PPM1L: variants seen among roughly 807,000 people sequenced by gnomAD.
PPM1L encodes protein phosphatase 1L.
In PPM1L, 13 loss-of-function variants were observed where a neutral mutation model predicts 31.4. The observed-to-expected ratio is 0.41, with a 90% CI of 0.27 to 0.66. The LOEUF (loss-of-function observed/expected upper bound fraction) is 0.66. Among genes scored for constraint, PPM1L ranks in the 30% least tolerant of loss-of-function variants. The pLI is 0.29. For missense variants in PPM1L, 326 were observed against 453.7 expected (o/e 0.72, Z 2.56); for synonymous variants, 184 against 175.4 (o/e 1.05, Z -0.39).
In PPM1L at chr3:161,008,240, C is replaced by T. The variant is rs145869233; in HGVS notation, c.574+46330C>T. Among the ~76,000 whole-genome samples the T allele has an allele frequency of 4.0e-3, 613 of 152,268 alleles. 4 individuals carry two copies. Among genetic ancestry groups the T allele is most frequent in the African/African-American group, 0.014 (591 of 41,534 alleles). On this transcript the variant is annotated intron_variant, in intron 2 of 3. Transcript: ENST00000498165. The stretch of plus-strand genomic sequence containing the variant: ...CTTGTTTGATTTTAGGCCATAAGAC[C>T]GCCATTCCAGAGAGGGCCCTGCCCC...
chr3:160,942,583 T>C (rs542699675), intron 1 of PPM1L, among the ~76,000 whole-genome samples: 11 of 152,364 alleles, frequency 7.2e-5, no homozygotes, highest in African/African-American at 2.6e-4. Flanking sequence ...TCATTCATTC[T>C]CCAAGCATTT....
chr3:160,892,795 GAA>G (rs1311055668), intron 1 of PPM1L, among the ~76,000 whole-genome samples: 2 of 152,218 alleles, frequency 1.3e-5, no homozygotes, highest in Middle Eastern at 3.4e-3. Flanking sequence ...AGAGATCAGA[GAA>G]AAGATAAATT....
chr3:160,771,482 A>G (rs1033705863), intron 1 of PPM1L, among the ~76,000 whole-genome samples: 3 of 149,428 alleles, frequency 2.0e-5, no homozygotes, highest in Admixed American at 1.3e-4. Flanking sequence ...AGCTCAAGCA[A>G]TCTGCCCTCC....
intron 2 of PPM1L, among the ~76,000 whole-genome samples, chr3:161,051,033 T>G (rs1719258351): frequency 6.6e-6 from 1 of 152,160 alleles, no homozygotes; most frequent in Non-Finnish European, 1.5e-5. Flanking sequence ...AAGAACCATA[T>G]TAAACTATGT....
intron 2 of PPM1L, among the ~76,000 whole-genome samples, chr3:161,053,669 A>G (rs1559938581): frequency 1.3e-5 from 2 of 152,180 alleles, no homozygotes; most frequent in African/African-American, 4.8e-5. Context: ...CTCACTAAAG[A>G]GATATTTTTT....
intron 1 of PPM1L, among the ~76,000 whole-genome samples, chr3:160,815,213 TC>T (rs1198240841): frequency 6.6e-6 from 1 of 152,170 alleles, no homozygotes. Flanking sequence ...ACATTTGGCA[TC>T]CTTTTTGCCT....
At chr3:160,947,964 T>G (rs549688730) in intron 1 of PPM1L, among the ~76,000 whole-genome samples, 1 of 152,186 alleles carries the variant, frequency 6.6e-6, no homozygotes, top group Admixed American at 6.5e-5. Context: ...CCCAAAATTC[T>G]AATCGCACCA....
rs190992639 is a variant in PPM1L at position 160,765,378 on chromosome 3, T to A, written c.399+8671T>A. Among the ~76,000 whole-genome samples the A allele has an allele frequency of 2.6e-5, 4 of 152,356 alleles. No homozygotes were observed. The East Asian group carries it at 7.7e-4, about 29-fold the overall frequency. ...GTTATGTGGACACTGCCTAGTCTTC[T>A]CGATTTGCTTAGTGGGACTTTGGTT... On this transcript the variant is annotated intron_variant, in intron 1 of 3. Coordinates refer to ENST00000498165, the MANE Select transcript of PPM1L (RefSeq NM_139245.4).
intron 1 of PPM1L, among the ~76,000 whole-genome samples, chr3:160,903,347 G>A (rs917866386): frequency 7.2e-5 from 11 of 151,974 alleles, no homozygotes; most frequent in Admixed American, 3.9e-4. Flanking sequence ...GGATTTCTTT[G>A]TTACAGTCTT....
At chr3:160,867,210 G>A (rs757753075) in intron 1 of PPM1L, among the ~76,000 whole-genome samples, 3 of 151,932 alleles carry the variant, frequency 2.0e-5, no homozygotes, top group Non-Finnish European at 2.9e-5. Context: ...GAAATTATTT[G>A]ATTGTTTTTT....
At chr3:160,780,771 C>T (rs899715330) in intron 1 of PPM1L, among the ~76,000 whole-genome samples, 2 of 152,166 alleles carry the variant, frequency 1.3e-5, no homozygotes, top group Non-Finnish European at 2.9e-5. Context: ...GGCCAACCAT[C>T]AGGTTGTAGC....
intron 2 of PPM1L, among the ~76,000 whole-genome samples, chr3:161,010,550 G>A (rs1302568905): frequency 1.3e-5 from 2 of 152,160 alleles, no homozygotes; most frequent in Middle Eastern, 3.2e-3. Flanking sequence ...GTAATGGGAT[G>A]GCTGGGTAAA....
At chr3:160,758,515 T>G (rs544342268) in intron 1 of PPM1L, among the ~76,000 whole-genome samples, 1 of 152,326 alleles carries the variant, frequency 6.6e-6, no homozygotes, top group South Asian at 2.1e-4. Context: ...AATAGTAATG[T>G]GGTGAAATTT....
chr3:160,922,205 G>T (rs892588122), intron 1 of PPM1L, among the ~76,000 whole-genome samples: 5 of 152,140 alleles, frequency 3.3e-5, no homozygotes, highest in Non-Finnish European at 7.4e-5. Flanking sequence ...AGCTACTTGG[G>T]AGGCTGAGGC....
intron 1 of PPM1L, among the ~76,000 whole-genome samples, chr3:160,796,276 G>A (rs1302827611): frequency 6.6e-6 from 1 of 152,138 alleles, no homozygotes; most frequent in African/African-American, 2.4e-5. Context: ...TCTTTTTTGG[G>A]AGGTTGCTTC....
intron 2 of PPM1L, among the ~76,000 whole-genome samples, chr3:161,014,004 A>G: frequency 6.6e-6 from 1 of 152,072 alleles, no homozygotes. Flanking sequence ...TTTTAATTGG[A>G]GCATTTAGCC....
At chr3:161,045,625 T>A (rs1217559322) in intron 2 of PPM1L, among the ~76,000 whole-genome samples, 3 of 152,188 alleles carry the variant, frequency 2.0e-5, no homozygotes, top group African/African-American at 7.2e-5. Context: ...TAAAGCAGTG[T>A]GTAGAGGGAA....
chr3:160,955,045 T>C (rs1234216085), intron 1 of PPM1L, among the ~76,000 whole-genome samples: 1 of 149,840 alleles, frequency 6.7e-6, no homozygotes, highest in Non-Finnish European at 1.5e-5. Context: ...AGAGTATCAC[T>C]CTGTCATCAG....
chr3:160,985,577 T>A (rs897306002), intron 2 of PPM1L, among the ~76,000 whole-genome samples: 3 of 152,198 alleles, frequency 2.0e-5, no homozygotes, highest in Non-Finnish European at 4.4e-5. Context: ...TAATAAGTTC[T>A]TTCTTTTTCC....
Sources: allele counts gnomAD v4.1 joint callset (sites outside exome capture counted in the v4.1 genomes callset), GRCh38; gene constraint gnomAD v4.1.1; transcripts MANE v1.5; gene names NCBI Gene and HGNC (gene_info 2026-07-23, HGNC 2026-07-21).